The following RABGAP1 variants were observed in gnomAD, a reference collection of about 807,000 sequenced individuals.
The protein encoded by RABGAP1 is RAB GTPase activating protein 1.
In RABGAP1, 23 loss-of-function variants were observed where a neutral mutation model predicts 137.6. That is an observed-to-expected ratio of 0.17 (90% CI 0.12 to 0.24). The LOEUF (loss-of-function observed/expected upper bound fraction) is 0.24. Ranked by LOEUF, RABGAP1 falls within the 10% of genes least tolerant of loss-of-function variation. The probability of loss-of-function intolerance (pLI) is 1.00; values close to 1 mark genes in which losing one functional copy is unlikely to be tolerated. For missense variants in RABGAP1, 906 were observed against 1,275.8 expected, an observed-to-expected ratio of 0.71 and a Z score of 4.42; for synonymous variants, 451 against 450.7, an observed-to-expected ratio of 1.00 and a Z score of -0.01.
At chr9:123,059,398 T>TA (rs1269183285) in intron 13 of RABGAP1, among the ~76,000 whole-genome samples, 1 of 151,486 alleles carries the variant, frequency 6.6e-6, no homozygotes, top group Non-Finnish European at 1.5e-5. Context: ...ACTAAATAAT[T>TA]AAAAAAATTA....
chr9:122,950,796 A>G (rs1157229609), intron 1 of RABGAP1, among the ~76,000 whole-genome samples: 1 of 152,242 alleles, frequency 6.6e-6, no homozygotes, highest in Non-Finnish European at 1.5e-5. Flanking sequence ...TTATCAGCAT[A>G]CAATAGAAAG....
chr9:122,968,176 A>G (rs181329441), intron 2 of RABGAP1, among the ~76,000 whole-genome samples: 1 of 150,734 alleles, frequency 6.6e-6, no homozygotes, highest in Non-Finnish European at 1.5e-5. Context: ...GGTATCCATT[A>G]CCTTAAGCAT....
chr9:123,008,740 T>G (rs1347331842), intron 10 of RABGAP1, among the ~76,000 whole-genome samples: 2 of 152,172 alleles, frequency 1.3e-5, no homozygotes, highest in Non-Finnish European at 2.9e-5. Flanking sequence ...ATTCAGTGTA[T>G]TAATTAATGA....
At position 123,020,302 on chromosome 9, in the gene RABGAP1, T is replaced by C; in HGVS notation, c.1644-7T>C. 1 of 1,529,950 alleles carries C rather than the reference T, an allele frequency of 6.5e-7. No homozygotes were observed. The highest frequency in any genetic ancestry group is 8.8e-7 in the Non-Finnish European group (1 of 1,130,332). The allele number at this position is 1,529,950 out of a possible 1,614,324, so 94.8% of individuals were successfully genotyped here. A position where few individuals can be genotyped will look rare whatever the true frequency, so the allele number is the denominator to read the frequency against. On this transcript the variant is annotated splice_polypyrimidine_tract_variant and splice_region_variant and intron_variant, in intron 12 of 25. Transcript: ENST00000373647. ...TTATGATTTATGGTTTATGGCCTTA[T>C]TTTTAGGCATCTCAACTTGAATGTG...
At chr9:123,081,785 T>C (rs759559945) in intron 19 of RABGAP1, among the ~76,000 whole-genome samples, 1 of 152,202 alleles carries the variant, frequency 6.6e-6, no homozygotes, top group Admixed American at 6.5e-5. Context: ...ATTTGTAGTA[T>C]TGATATAGTT....
At chr9:122,988,903 A>G (rs998722132) in intron 4 of RABGAP1, among the ~76,000 whole-genome samples, 5 of 150,050 alleles carry the variant, frequency 3.3e-5, no homozygotes, top group African/African-American at 9.8e-5. Context: ...AGATTGCGCC[A>G]TTGCACTCCA....
rs754894722 is a variant in RABGAP1, at chr9:122,996,597, T to A, written c.1093T>A (p.Leu365Ile). The A allele has an allele frequency of 6.2e-7, 1 of 1,601,378 alleles. No individual in the cohort carries two copies. Among genetic ancestry groups the A allele is most frequent in the Non-Finnish European group, 8.5e-7 (1 of 1,171,250 alleles). The part of the protein sequence containing the change: ...KDVRNSDMHL[L>I]DLESMGKSSD... ...TGTACGAAATAGTGACATGCACTTA[T>A]TAGATTTGGTAAGAATTTATTTTTA... The change falls in exon 8 of 26, where the codon TTA (leucine) becomes ATA (isoleucine). Residue 365 changes from leucine (L) to isoleucine (I), a missense_variant. Leu to Ile is a conservative substitution (Grantham distance 5). Transcript: ENST00000373647.
chr9:123,043,692 A>G (rs1291981912), intron 13 of RABGAP1, among the ~76,000 whole-genome samples: 1 of 152,040 alleles, frequency 6.6e-6, no homozygotes, highest in Admixed American at 6.6e-5. Context: ...TCCATAGTGT[A>G]AACTCTGAAA....
At chr9:122,999,482 T>C (rs999830218) in intron 10 of RABGAP1, among the ~76,000 whole-genome samples, 6 of 152,038 alleles carry the variant, frequency 3.9e-5, no homozygotes, top group Non-Finnish European at 8.8e-5. Flanking sequence ...TGAGCCACCT[T>C]GCCCAGCCAG....
chr9:122,998,818 C>T (rs759973144), intron 10 of RABGAP1, 52 bp downstream of exon 10: 27 of 1,213,130 alleles, frequency 2.2e-5, no homozygotes, highest in South Asian at 3.6e-5. Flanking sequence ...GGAGAAATCA[C>T]GTCTGAGGCT....
intron 2 of RABGAP1, among the ~76,000 whole-genome samples, chr9:122,959,340 C>G (rs1054271133): frequency 4.7e-5 from 5 of 106,202 alleles, no homozygotes; most frequent in African/African-American, 1.9e-4. Context: ...CCCTGTGGAG[C>G]TTAATAGAAA....
At chr9:122,992,282 A>AT (rs1294216364) in intron 6 of RABGAP1, among the ~76,000 whole-genome samples, 1 of 151,996 alleles carries the variant, frequency 6.6e-6, no homozygotes, top group Non-Finnish European at 1.5e-5. Context: ...CAAGTGATCC[A>AT]TTTACCTGGG....
At chr9:122,945,260 T>G (rs550749956) in intron 1 of RABGAP1, 4 of 151,450 alleles carry the variant, frequency 2.6e-5, no homozygotes, top group African/African-American at 9.7e-5. Flanking sequence ...GTAACAATAT[T>G]GGATAGACGT....
chr9:123,091,633 TA>T (rs368937656), intron 21 of RABGAP1, among the ~76,000 whole-genome samples: 14 of 151,374 alleles, frequency 9.2e-5, no homozygotes, highest in South Asian at 4.2e-4. Context: ...AAAGCATCAT[TA>T]AAAAAAAATC....
At chr9:122,989,784 T>C (rs1262635020) in intron 5 of RABGAP1, 3 of 514,248 alleles carry the variant, frequency 5.8e-6, no homozygotes, top group Admixed American at 6.9e-5. Context: ...AGGACTGTTT[T>C]CATTGTAATA....
intron 13 of RABGAP1, among the ~76,000 whole-genome samples, chr9:123,040,797 A>G (rs2032915207): frequency 6.6e-6 from 1 of 152,170 alleles, no homozygotes; most frequent in African/African-American, 2.4e-5. Context: ...ATAGCATCAG[A>G]TAATTAGGGA....
chr9:123,018,388 TTGTC>T (rs2031390692), intron 12 of RABGAP1, among the ~76,000 whole-genome samples: 1 of 152,266 alleles, frequency 6.6e-6, no homozygotes, highest in East Asian at 1.9e-4. Context: ...TTAGCAGGCT[TTGTC>T]TGTAAAGAGC....
At chr9:122,951,950 C>T (rs372693951) in intron 1 of RABGAP1, among the ~76,000 whole-genome samples, 1 of 152,140 alleles carries the variant, frequency 6.6e-6, no homozygotes, top group Non-Finnish European at 1.5e-5. Context: ...TTGGCACTTA[C>T]GGCACAGAGC....
intron 19 of RABGAP1, among the ~76,000 whole-genome samples, chr9:123,088,719 A>T (rs1306302354): frequency 1.3e-5 from 2 of 152,186 alleles, no homozygotes; most frequent in African/African-American, 4.8e-5. Flanking sequence ...TCTTGAAGGT[A>T]TGTTGCCCTT....
Sources: gnomAD v4.1 joint callset for allele counts (sites outside exome capture counted in the v4.1 genomes callset) on GRCh38, gnomAD v4.1.1 for gene constraint, MANE v1.5 for transcripts, NCBI Gene and HGNC (gene_info 2026-07-23, HGNC 2026-07-21) for gene names.